The following MCM5 variants were observed in gnomAD, a reference collection of about 807,000 sequenced individuals.
The protein encoded by MCM5 is DNA replication licensing factor MCM5.
MCM5 carries 46 observed loss-of-function variants against 79.9 expected under a neutral mutation model. The ratio of observed to expected loss-of-function variants is 0.58; its 90% confidence interval spans 0.45 to 0.74. MCM5 has a LOEUF of 0.74. MCM5 is among the 30% of genes least tolerant of loss of function. The probability of loss-of-function intolerance (pLI) is 0.00; values close to 1 mark genes in which losing one functional copy is unlikely to be tolerated. For synonymous variants in MCM5, 404 were observed against 390.5 expected (o/e 1.03, Z -0.41); for missense variants, 883 against 1,017.0 (o/e 0.87, Z 1.79).
At chr22:35,421,061 G>C (rs567866685) in intron 14 of MCM5, among the ~76,000 whole-genome samples, 1 of 149,044 alleles carries the variant, frequency 6.7e-6, no homozygotes, top group Non-Finnish European at 1.5e-5. Flanking sequence ...CCAGGAGTTC[G>C]AGGCTGCAGT....
At chr22:35,445,331 T>TTTTTC in the MCM5 span, among the ~76,000 whole-genome samples, 1 of 139,036 alleles carries the variant, frequency 7.2e-6, no homozygotes, top group Non-Finnish European at 1.6e-5. Context: ...TATGCTTTTT[T>TTTTTC]TTTTTTTTTT....
downstream of MCM5, among the ~76,000 whole-genome samples, chr22:35,428,161 C>T (rs572625296): frequency 1.5e-4 from 23 of 151,770 alleles, no homozygotes; most frequent in South Asian, 2.7e-3. Flanking sequence ...GCTGGGATTA[C>T]AGGTGCCCAC....
At chr22:35,418,351 CAAT>C (rs1932601465) in intron 13 of MCM5, among the ~76,000 whole-genome samples, 1 of 152,100 alleles carries the variant, frequency 6.6e-6, no homozygotes, top group African/African-American at 2.4e-5. Flanking sequence ...CACAGATTTT[CAAT>C]AATAATAATT....
Position 35,413,859 on chromosome 22 carries a change from ACC to A in MCM5, c.1092-14_1092-13del. The A allele has an allele frequency of 2.0e-6, 3 of 1,476,558 alleles. No individual in the cohort carries two copies. Among genetic ancestry groups the A allele is most frequent in the Non-Finnish European group, 2.8e-6 (3 of 1,054,726 alleles). 91.5% of individuals were successfully genotyped at this position (1,476,558 alleles called of 1,614,324 possible). A position where few individuals can be genotyped will look rare whatever the true frequency, so the allele number is the denominator to read the frequency against. On this transcript the variant is annotated splice_polypyrimidine_tract_variant and intron_variant, in intron 8 of 16. Transcript: ENST00000216122. Reference sequence around the variant, plus strand: ...TCATGGATTCTCACCTTGTCCATCTACCCTTCGTCCCCCAGGCTCCCTGATGG... The same window carrying A: ...TCATGGATTCTCACCTTGTCCATCTACTTCGTCCCCCAGGCTCCCTGATGG...
At chr22:35,431,098 C>T in the MCM5 span, among the ~76,000 whole-genome samples, 1 of 152,288 alleles carries the variant, frequency 6.6e-6, no homozygotes, top group Admixed American at 6.5e-5. Flanking sequence ...CGGCCTCCTA[C>T]CCTGGGAATC....
chr22:35,425,758 C>A (rs1011819337), downstream of MCM5, among the ~76,000 whole-genome samples: 5 of 151,866 alleles, frequency 3.3e-5, no homozygotes, highest in Non-Finnish European at 5.9e-5. Flanking sequence ...GTCCTCCCGT[C>A]CTGCTTGTTC....
chr22:35,400,353 G>T, intron 1 of MCM5, 78 bp from the exon 2 acceptor site: 1 of 1,551,920 alleles, frequency 6.4e-7, no homozygotes, highest in Non-Finnish European at 8.9e-7. Context: ...CGGACTCAGG[G>T]CAGGGACCCA....
intron 14 of MCM5, among the ~76,000 whole-genome samples, 188 bp from the exon 15 acceptor site, chr22:35,421,127 CAAA>C (rs133430): frequency 0.023 from 2,070 of 88,878 alleles, 29 homozygotes; most frequent in South Asian, 0.12. Context: ...GACTTTGTCT[CAAA>C]AAAAAAAAAA....
At position 35,423,216 on chromosome 22, in the gene MCM5, G is replaced by A. The variant is rs546146611; in HGVS notation, c.1978G>A (p.Val660Met). ...GCCTCACTTCTCCATGCCCACAGGGGTGGAGGGCTTCACCAGCCAGGAGGA... is the reference window on the plus strand; with the variant it reads ...GCCTCACTTCTCCATGCCCACAGGGATGGAGGGCTTCACCAGCCAGGAGGA... ...DAALSGTLSG[V>M]EGFTSQEDQE... is the part of the protein sequence containing the mutation. The change falls in exon 16 of 17, where the codon GTG (valine) becomes ATG (methionine). Residue 660 changes from valine to methionine, a missense_variant and splice_region_variant. By Grantham distance (21) the Val-to-Met change is conservative. This residue lies in a region of MCM5 where 426 missense variants were observed against 482.3 expected (regional missense o/e 0.88). Coordinates refer to ENST00000216122, the MANE Select transcript of MCM5 (RefSeq NM_006739.4). 1 of 1,581,580 alleles carries A rather than the reference G, an allele frequency of 6.3e-7. No individual in the cohort carries two copies. Among genetic ancestry groups the A allele is most frequent in the South Asian group, 1.1e-5 (1 of 87,404 alleles).
chr22:35,453,364 C>CAGAG, the MCM5 span, among the ~76,000 whole-genome samples: 30,332 of 151,492 alleles, frequency 0.2, 3,411 homozygotes, highest in African/African-American at 0.31. Flanking sequence ...GCGTCAGAGA[C>CAGAG]AGGGACAGAA....
intron 4 of MCM5, 112 bp downstream of exon 4, chr22:35,403,654 T>A: frequency 7.5e-7 from 1 of 1,327,376 alleles, no homozygotes; most frequent in Non-Finnish European, 1.0e-6. Flanking sequence ...TGAACCTGTC[T>A]CCTCCTGGAG....
chr22:35,417,733 C>T lies in MCM5; in HGVS notation c.1591-11C>T. ...CCTGTGGGATGACCCATTATCCCCT[C>T]TGCTCTCCAGATGCTGGCCAAGCAT... On this transcript the variant is annotated splice_polypyrimidine_tract_variant and intron_variant, in intron 12 of 16. Coordinates refer to ENST00000216122, the MANE Select transcript of MCM5 (RefSeq NM_006739.4). 1 of 1,600,952 alleles carries T rather than the reference C, an allele frequency of 6.2e-7. No individual in the cohort carries two copies. The highest frequency in any genetic ancestry group is 8.6e-7 in the Non-Finnish European group (1 of 1,168,042).
At chr22:35,413,742 A>G (rs1231648947) in intron 8 of MCM5, 133 bp from the exon 9 acceptor site, 1 of 648,596 alleles carries the variant, frequency 1.5e-6, no homozygotes, top group African/African-American at 1.8e-5. Context: ...GGCCACAGCC[A>G]CTACCTTCTT....
At chr22:35,437,149 G>C in the MCM5 span, among the ~76,000 whole-genome samples, 124,668 of 152,130 alleles carry the variant, frequency 0.82, 51,685 homozygotes, top group African/African-American at 0.89. Flanking sequence ...TACAGGAAGT[G>C]CCCATGGCTG....
chr22:35,451,240 T>C, the MCM5 span, among the ~76,000 whole-genome samples: 4 of 151,866 alleles, frequency 2.6e-5, no homozygotes, highest in African/African-American at 4.8e-5. Flanking sequence ...AAGTTTCCAA[T>C]TGAAGCAAAA....
At chr22:35,402,467 C>G (rs1383464881) in intron 2 of MCM5, among the ~76,000 whole-genome samples, 1 of 151,706 alleles carries the variant, frequency 6.6e-6, no homozygotes, top group East Asian at 1.9e-4. Flanking sequence ...GCTAGGATTA[C>G]AGGCATCCGC....
chr22:35,443,106 C>T, the MCM5 span, among the ~76,000 whole-genome samples: 5 of 152,232 alleles, frequency 3.3e-5, no homozygotes, highest in Admixed American at 3.3e-4. Flanking sequence ...CCCAGCCCCG[C>T]ACCTTCCTCG....
At chr22:35,407,409 C>T (rs1932250792) in intron 5 of MCM5, among the ~76,000 whole-genome samples, 1 of 152,098 alleles carries the variant, frequency 6.6e-6, no homozygotes, top group African/African-American at 2.4e-5. Context: ...CACCCAGCAG[C>T]CAGGTGTCCC....
chr22:35,406,800 C>T (rs896174101), intron 5 of MCM5, 75 bp downstream of exon 5: 36 of 1,476,294 alleles, frequency 2.4e-5, no homozygotes, highest in Admixed American at 5.2e-5. Context: ...AAGTAGCAAG[C>T]ACTGCCTGCA....
Sources: gnomAD v4.1 joint callset for allele counts (sites outside exome capture counted in the v4.1 genomes callset) on GRCh38, gnomAD v4.1.1 for gene constraint, gnomAD v4.1.1 regional missense constraint, MANE v1.5 for transcripts, NCBI Gene and HGNC (gene_info 2026-07-23, HGNC 2026-07-21) for gene names.